TMEM217: variants seen among roughly 807,000 people sequenced by gnomAD.
TMEM217 encodes the protein transmembrane protein 217.
For synonymous variants in TMEM217, 76 were observed against 88.3 expected (o/e 0.86, Z 0.78); for missense variants, 204 against 248.8 (o/e 0.82, Z 1.21).
rs1765843081 is a variant in TMEM217 at position 37,257,729 on chromosome 6, G to A, written c.-173C>T. 8.3e-6 allele frequency: 5 copies of A among 605,704 alleles called. No individual in the cohort carries two copies. In the South Asian group the frequency reaches 1.1e-4, roughly 13 times the overall value. The allele number at this position is 605,704 out of a possible 1,614,324, so 37.5% of individuals were successfully genotyped here. Reference sequence around the variant, plus strand: ...CAATTGGTCGGCCCGTCCACGGCTTGCGCAGCTCACCAATGGCAGCGGTGC... The same window carrying A: ...CAATTGGTCGGCCCGTCCACGGCTTACGCAGCTCACCAATGGCAGCGGTGC... On this transcript the variant is annotated 5_prime_UTR_variant, in exon 1 of 2. Coordinates refer to ENST00000357219, the Ensembl canonical transcript of TMEM217.
At chr6:37,248,145 G>A (rs1467831345) in intron 1 of TMEM217, among the ~76,000 whole-genome samples, 1 of 152,060 alleles carries the variant, frequency 6.6e-6, no homozygotes, top group Non-Finnish European at 1.5e-5. Flanking sequence ...GCTCCACTCT[G>A]TGTCTTCTTA....
At chr6:37,226,332 G>A (rs1379280961) in intron 1 of TMEM217, among the ~76,000 whole-genome samples, 33 of 112,856 alleles carry the variant, frequency 2.9e-4, no homozygotes, top group African/African-American at 5.9e-4. Flanking sequence ...TCGCTCTTTC[G>A]CCCAGGCTGG....
At chr6:37,231,903 T>G (rs1764225479) in intron 1 of TMEM217, among the ~76,000 whole-genome samples, 1 of 151,576 alleles carries the variant, frequency 6.6e-6, no homozygotes, top group African/African-American at 2.4e-5. Flanking sequence ...TTCCTGACTG[T>G]GTGGCTAAAA....
At chr6:37,218,826 G>A in exon 2 of TMEM217, 1 of 1,614,184 alleles carries the variant, frequency 6.2e-7, no homozygotes, top group Non-Finnish European at 8.5e-7. Flanking sequence ...GACAGGAAGA[G>A]GACGATTTTA....
chr6:37,212,957 T>A (rs1033857112), downstream of TMEM217: 2 of 1,549,026 alleles, frequency 1.3e-6, no homozygotes, highest in Admixed American at 3.9e-5. Context: ...AGGGAGAACA[T>A]CCTGACATTC....
chr6:37,224,226 A>G (rs1583442876), intron 1 of TMEM217, among the ~76,000 whole-genome samples: 1 of 149,550 alleles, frequency 6.7e-6, no homozygotes, highest in African/African-American at 2.5e-5. Flanking sequence ...GGCGTGAGCC[A>G]CCGCGCCCGG....
intron 1 of TMEM217, among the ~76,000 whole-genome samples, chr6:37,219,348 C>T (rs1256835361): frequency 1.3e-5 from 2 of 152,222 alleles, no homozygotes; most frequent in South Asian, 2.1e-4. Flanking sequence ...TCACAACATT[C>T]TCTGGTTGGG....
chr6:37,212,385 C>T (rs1177109487), exon 4 of TMEM217: 9 of 385,768 alleles, frequency 2.3e-5, no homozygotes, highest in African/African-American at 1.9e-4. Context: ...AACACCATTC[C>T]CTCCCACCTT....
chr6:37,251,183 A>G (rs552955090), intron 1 of TMEM217, among the ~76,000 whole-genome samples: 76 of 152,180 alleles, frequency 5.0e-4, no homozygotes, highest in Non-Finnish European at 9.1e-4. Context: ...AATCTATGAT[A>G]TTTTGTTTTT....
At chr6:37,224,187 C>T (rs1267969982) in intron 1 of TMEM217, among the ~76,000 whole-genome samples, 8 of 151,294 alleles carry the variant, frequency 5.3e-5, no homozygotes, top group Non-Finnish European at 8.9e-5. Context: ...GATCCGCCTG[C>T]CTCGGCCTCC....
chr6:37,256,240 G>T (rs1042548317), intron 1 of TMEM217, among the ~76,000 whole-genome samples: 8 of 152,202 alleles, frequency 5.3e-5, no homozygotes, highest in African/African-American at 1.9e-4. Flanking sequence ...ACTCTGAACT[G>T]CTGGTTGCCA....
chr6:37,215,193 C>A (rs770006711), downstream of TMEM217: 31 of 1,613,380 alleles, frequency 1.9e-5, 1 homozygote, highest in South Asian at 2.9e-4. Flanking sequence ...TCATTCAATA[C>A]TCACTCAGCA....
At chr6:37,247,222 G>A (rs1297968701) in intron 1 of TMEM217, among the ~76,000 whole-genome samples, 1 of 152,132 alleles carries the variant, frequency 6.6e-6, no homozygotes, top group Non-Finnish European at 1.5e-5. Flanking sequence ...GTCTTACCAT[G>A]TAGAGCTACT....
intron 1 of TMEM217, among the ~76,000 whole-genome samples, chr6:37,238,071 CAA>C (rs1006474147): frequency 1.3e-5 from 2 of 150,498 alleles, no homozygotes; most frequent in African/African-American, 4.9e-5. Context: ...AAAAAGTAAA[CAA>C]AAGAGAGCCA....
chr6:37,236,677 A>G (rs1465186899), intron 1 of TMEM217, among the ~76,000 whole-genome samples: 2 of 149,742 alleles, frequency 1.3e-5, no homozygotes, highest in Non-Finnish European at 3.0e-5. Context: ...TTTTTTTACT[A>G]ATTTTATTAA....
chr6:37,227,916 G>C lies in TMEM217; in HGVS notation c.-11-8875C>G, dbSNP rs76579856. Among the ~76,000 whole-genome samples the C allele has an allele frequency of 2.6e-4, 40 of 151,974 alleles. 1 individual carries two copies. In the East Asian group the frequency reaches 5.2e-3, roughly 20 times the overall value. ...AGGAAAAAGTTTTTAGGAAAAAAATGATCCAATACTGAGATTTAAAAAGTC... is the reference window on the plus strand; with the variant it reads ...AGGAAAAAGTTTTTAGGAAAAAAATCATCCAATACTGAGATTTAAAAAGTC... On this transcript the variant is annotated intron_variant, in intron 1 of 1. Coordinates refer to ENST00000357219, the Ensembl canonical transcript of TMEM217.
exon 2 of TMEM217, chr6:37,218,327 C>T: frequency 1.7e-6 from 2 of 1,192,778 alleles, no homozygotes; most frequent in Non-Finnish European, 1.1e-6. Flanking sequence ...TGCCGCCACG[C>T]CTGGCTAATT....
At chr6:37,250,522 A>G (rs1481619186) in intron 1 of TMEM217, among the ~76,000 whole-genome samples, 2 of 152,250 alleles carry the variant, frequency 1.3e-5, no homozygotes, top group African/African-American at 4.8e-5. Context: ...TTTGGAGAAC[A>G]TTTTGCAACA....
exon 2 of TMEM217, chr6:37,218,060 G>GT (rs759927532): frequency 1.3e-4 from 132 of 1,003,798 alleles, no homozygotes; most frequent in Non-Finnish European, 1.5e-4. Flanking sequence ...CTAAGCAAAA[G>GT]TGGGGGGAAA....
Sources: allele counts gnomAD v4.1 joint callset (sites outside exome capture counted in the v4.1 genomes callset), GRCh38; gene constraint gnomAD v4.1.1; transcripts MANE v1.5; gene names NCBI Gene and HGNC (gene_info 2026-07-23, HGNC 2026-07-21).